The following MYO5A variants were observed in gnomAD, a reference collection of about 807,000 sequenced individuals.
MYO5A encodes the protein myosin VA.
In MYO5A, 98 loss-of-function variants were observed where a neutral mutation model predicts 249.7. That is an observed-to-expected ratio of 0.39 (90% CI 0.33 to 0.46). The LOEUF is 0.46. Among genes scored for constraint, MYO5A ranks in the 20% least tolerant of loss-of-function variants. The pLI is 0.98. For missense variants in MYO5A, 1,696 were observed against 2,308.8 expected (o/e 0.73, Z 5.44); for synonymous variants, 778 against 810.6 (o/e 0.96, Z 0.68).
rs903071476 is a variant in MYO5A at position 52,365,105 on chromosome 15, AAG to A, written c.3161-405_3161-404del. On this transcript the variant is annotated intron_variant, in intron 23 of 41. Coordinates refer to ENST00000399233, the MANE Select transcript of MYO5A (RefSeq NM_001382347.1). ...AATGACCTCCTCACAGATATTTCTC[AAG>A]AGAGATATTTCTCAAGAGAATGGCA... 6.6e-5 allele frequency among the ~76,000 whole-genome samples: 10 copies of A among 152,324 alleles called. 2 individuals are homozygous for A. The highest frequency in any genetic ancestry group is 1.9e-4 in the East Asian group (1 of 5,188).
At chr15:52,400,676 G>A (rs7166034) in intron 9 of MYO5A, among the ~76,000 whole-genome samples, 7,709 of 152,058 alleles carry the variant, frequency 0.051, 560 homozygotes, top group African/African-American at 0.16. Flanking sequence ...GATTAGATTT[G>A]GGCAGAAATA....
intron 1 of MYO5A, among the ~76,000 whole-genome samples, chr15:52,465,590 G>C (rs11856588): frequency 1.9e-4 from 29 of 151,998 alleles, no homozygotes; most frequent in Admixed American, 5.9e-4. Context: ...TCAGGAATTC[G>C]AAAGTATAGT....
intron 19 of MYO5A, 86 bp from the exon 20 acceptor site, chr15:52,375,546 T>C: frequency 1.4e-6 from 2 of 1,413,856 alleles, no homozygotes; most frequent in African/African-American, 1.4e-5. Context: ...AGTGTCACTG[T>C]TTTAGGCATA....
Position 52,349,863 on chromosome 15 carries a change from C to A in MYO5A, c.3850-1037G>T, listed in dbSNP as rs920219275. ...GTGACAGCCCTGGGGTAAGGTGCAACCTATACGGCAAGCCAAAATGGGGGT... is the reference window on the plus strand; with the variant it reads ...GTGACAGCCCTGGGGTAAGGTGCAAACTATACGGCAAGCCAAAATGGGGGT... On this transcript the variant is annotated intron_variant, in intron 28 of 41. Transcript: ENST00000399233. Among the ~76,000 whole-genome samples the A allele has an allele frequency of 5.9e-5, 9 of 152,278 alleles. 1 individual carries two copies. The East Asian group carries it at 1.7e-3, about 29-fold the overall frequency.
chr15:52,321,221 G>A, intron 38 of MYO5A, 138 bp downstream of exon 38: 1 of 1,109,914 alleles, frequency 9.0e-7, no homozygotes, highest in Non-Finnish European at 1.3e-6. Context: ...GGATTCCTCG[G>A]CTAATTTTAG....
chr15:52,396,517 C>A, intron 10 of MYO5A, 120 bp from the exon 11 acceptor site: 2 of 651,122 alleles, frequency 3.1e-6, no homozygotes, highest in Non-Finnish European at 2.7e-6. Context: ...GTAAAACTTT[C>A]TTTCCATATC....
chr15:52,521,443 T>C (rs539161582), intron 1 of MYO5A, among the ~76,000 whole-genome samples: 36 of 152,300 alleles, frequency 2.4e-4, no homozygotes, highest in African/African-American at 8.2e-4. Context: ...TGTTTTTGTA[T>C]ATGTGACAAA....
At chr15:52,358,330 C>T (rs2141042085) in intron 25 of MYO5A, among the ~76,000 whole-genome samples, 1 of 152,298 alleles carries the variant, frequency 6.6e-6, no homozygotes, top group South Asian at 2.1e-4. Flanking sequence ...GTGAGTACTC[C>T]CACTGAGATC....
chr15:52,410,578 C>A, intron 5 of MYO5A, 102 bp from the exon 6 acceptor site: 4 of 1,058,250 alleles, frequency 3.8e-6, no homozygotes, highest in Non-Finnish European at 5.5e-6. Flanking sequence ...AACACAGGTC[C>A]TTAAAATTGA....
intron 1 of MYO5A, among the ~76,000 whole-genome samples, chr15:52,490,579 G>C (rs1758787548): frequency 6.6e-6 from 1 of 152,212 alleles, no homozygotes. Flanking sequence ...AGAGTAGTCA[G>C]ATTCATAGGG....
intron 12 of MYO5A, among the ~76,000 whole-genome samples, chr15:52,391,289 A>T (rs990018502): frequency 2.0e-5 from 3 of 152,194 alleles, no homozygotes; most frequent in Non-Finnish European, 2.9e-5. Context: ...TGCATTTTTT[A>T]AAATCTCAAG....
intron 4 of MYO5A, among the ~76,000 whole-genome samples, chr15:52,423,138 C>CT (rs1304976560): frequency 6.6e-6 from 1 of 152,150 alleles, no homozygotes; most frequent in Non-Finnish European, 1.5e-5. Context: ...CAATAAATCT[C>CT]TATTACATGA....
intron 1 of MYO5A, among the ~76,000 whole-genome samples, chr15:52,457,294 T>C (rs970608953): frequency 2.6e-5 from 4 of 151,488 alleles, no homozygotes; most frequent in Non-Finnish European, 5.9e-5. Flanking sequence ...ATACAAAAAT[T>C]AGCCAGGTGT....
intron 27 of MYO5A, among the ~76,000 whole-genome samples, chr15:52,352,999 C>T (rs1253378581): frequency 6.6e-6 from 1 of 152,132 alleles, no homozygotes; most frequent in Non-Finnish European, 1.5e-5. Flanking sequence ...GTGTAAACTA[C>T]AAATGTTTCC....
At chr15:52,400,948 TA>T (rs2042724976) in intron 9 of MYO5A, among the ~76,000 whole-genome samples, 1 of 152,228 alleles carries the variant, frequency 6.6e-6, no homozygotes, top group Non-Finnish European at 1.5e-5. Flanking sequence ...GCTAACTTCT[TA>T]GTTCATTTCT....
chr15:52,430,887 T>C (rs7180747), intron 2 of MYO5A, among the ~76,000 whole-genome samples: 5,109 of 152,088 alleles, frequency 0.034, 260 homozygotes, highest in African/African-American at 0.11. Flanking sequence ...CCTGGTGGCA[T>C]TGGACTGGAG....
In MYO5A at chr15:52,415,089, G is replaced by A. The variant is rs908704835; in HGVS notation, c.612+1056C>T. ...GGCATTCTGTTCTGAAGTGTCACAC[G>A]CAGCACCGCAAACCAAGCACAATTA... On this transcript the variant is annotated intron_variant, in intron 5 of 41. Coordinates refer to ENST00000399233, the MANE Select transcript of MYO5A (RefSeq NM_001382347.1). Among the ~76,000 whole-genome samples, 8 of 152,172 alleles carry A rather than the reference G, an allele frequency of 5.3e-5. No individual in the cohort carries two copies. In the East Asian group the frequency reaches 5.8e-4, roughly 11 times the overall value.
intron 25 of MYO5A, among the ~76,000 whole-genome samples, chr15:52,357,692 C>T (rs1395812836): frequency 1.3e-5 from 2 of 152,128 alleles, no homozygotes; most frequent in Non-Finnish European, 2.9e-5. Flanking sequence ...GATGACACAT[C>T]TAATTAAAGA....
intron 2 of MYO5A, 141 bp downstream of exon 2, chr15:52,433,034 C>T (rs2075575960): frequency 1.5e-6 from 1 of 684,024 alleles, no homozygotes; most frequent in Non-Finnish European, 2.7e-6. Flanking sequence ...ACTGAGTTTG[C>T]CATTTTTACC....
Sources: gnomAD v4.1 joint callset for allele counts (sites outside exome capture counted in the v4.1 genomes callset) on GRCh38, gnomAD v4.1.1 for gene constraint, MANE v1.5 for transcripts, NCBI Gene and HGNC (gene_info 2026-07-23, HGNC 2026-07-21) for gene names.